CPNE8: variants seen among roughly 807,000 people sequenced by gnomAD.
The protein encoded by CPNE8 is copine-8.
Under a neutral mutation model 81.5 loss-of-function variants are expected in CPNE8, and 45 were observed. That is an observed-to-expected ratio of 0.55 (90% CI 0.44 to 0.71). The LOEUF is 0.71. Ranked by LOEUF, CPNE8 falls within the 30% of genes least tolerant of loss-of-function variation. The pLI is 0.00. For synonymous variants in CPNE8, 252 were observed against 226.3 expected (o/e 1.11, Z -1.02); for missense variants, 594 against 672.1 (o/e 0.88, Z 1.28).
chr12:38,667,699 C>T (rs1214084268), intron 19 of CPNE8, among the ~76,000 whole-genome samples: 1 of 152,160 alleles, frequency 6.6e-6, no homozygotes, highest in African/African-American at 2.4e-5. Context: ...ATGGCAGAAT[C>T]CCTTGAGTGT....
rs1944276800 is a variant in CPNE8 at position 38,889,231 on chromosome 12, G to A, written c.99-14720C>T. On this transcript the variant is annotated intron_variant, in intron 1 of 19. Coordinates refer to ENST00000331366, the MANE Select transcript of CPNE8 (RefSeq NM_153634.3). ...AGGAGACAGATTTATAAACAAATAT[G>A]TGCAGTGAAATGTGGAATATGTATA... Among the ~76,000 whole-genome samples, 3 of 152,224 alleles carry A rather than the reference G, an allele frequency of 2.0e-5. No homozygotes were observed. In the South Asian group the frequency reaches 6.2e-4, roughly 32 times the overall value.
intron 6 of CPNE8, among the ~76,000 whole-genome samples, chr12:38,785,179 CTCTG>C (rs1942151778): frequency 1.4e-5 from 2 of 146,910 alleles, no homozygotes; most frequent in East Asian, 2.0e-4. Flanking sequence ...CAGAGTGAGA[CTCTG>C]TCTCTGAAAA....
chr12:38,750,941 T>G (rs1941342727), intron 10 of CPNE8, among the ~76,000 whole-genome samples: 1 of 152,146 alleles, frequency 6.6e-6, no homozygotes, highest in Admixed American at 6.5e-5. Context: ...AATTCCCACG[T>G]GTTGTGGGAG....
chr12:38,785,818 C>T (rs1030381282), intron 6 of CPNE8, among the ~76,000 whole-genome samples: 1 of 151,934 alleles, frequency 6.6e-6, no homozygotes, highest in African/African-American at 2.4e-5. Flanking sequence ...CTTGTTTATG[C>T]AAACAGTGTT....
At chr12:38,831,979 G>A (rs372249938) in intron 5 of CPNE8, among the ~76,000 whole-genome samples, 4 of 152,162 alleles carry the variant, frequency 2.6e-5, no homozygotes, top group Non-Finnish European at 5.9e-5. Flanking sequence ...CATAAATATT[G>A]AGCAGGATCA....
At position 38,905,124 on chromosome 12, in the gene CPNE8, G is replaced by A. The variant is rs566072428; in HGVS notation, c.98+313C>T. Reference sequence around the variant, plus strand: ...GGTCATCACCCAACCATCCAGCCCGGGTTTGGGGCGGAAAACCGGCTTGTA... The same window carrying A: ...GGTCATCACCCAACCATCCAGCCCGAGTTTGGGGCGGAAAACCGGCTTGTA... On this transcript the variant is annotated intron_variant, in intron 1 of 19. Transcript: ENST00000331366. Among the ~76,000 whole-genome samples, 57 of 152,256 alleles carry A rather than the reference G, an allele frequency of 3.7e-4. No homozygotes were observed. The Middle Eastern group carries it at 0.01, about 27-fold the overall frequency.
At chr12:38,795,394 AAGC>A in intron 6 of CPNE8, among the ~76,000 whole-genome samples, 1 of 152,356 alleles carries the variant, frequency 6.6e-6, no homozygotes, top group East Asian at 1.9e-4. Context: ...AAATAATTGA[AAGC>A]AGGGTCTTGA....
chr12:38,779,561 A>G (rs1303580191), intron 6 of CPNE8, among the ~76,000 whole-genome samples: 2 of 152,192 alleles, frequency 1.3e-5, no homozygotes, highest in Non-Finnish European at 2.9e-5. Flanking sequence ...TGCTGTCTTA[A>G]TTGACATCAC....
chr12:38,831,274 A>G (rs530329329), intron 5 of CPNE8, among the ~76,000 whole-genome samples: 2 of 152,194 alleles, frequency 1.3e-5, no homozygotes, highest in Non-Finnish European at 2.9e-5. Context: ...ATGACCAGAC[A>G]CAAAAGTTGT....
intron 16 of CPNE8, among the ~76,000 whole-genome samples, chr12:38,684,415 T>C (rs942001669): frequency 8.6e-5 from 13 of 152,016 alleles, no homozygotes; most frequent in African/African-American, 3.1e-4. Context: ...ATGTACAGGG[T>C]TAATATATAT....
At chr12:38,693,547 A>T in intron 15 of CPNE8, 110 bp downstream of exon 15, 1 of 891,078 alleles carries the variant, frequency 1.1e-6, no homozygotes, top group Non-Finnish European at 1.7e-6. Context: ...AAATTAAGCT[A>T]CAGTCAGTAA....
intron 5 of CPNE8, among the ~76,000 whole-genome samples, chr12:38,838,920 G>T (rs141586539): frequency 6.6e-6 from 1 of 151,896 alleles, no homozygotes; most frequent in Non-Finnish European, 1.5e-5. Flanking sequence ...TCTCTTTTCC[G>T]AATTATTACA....
At chr12:38,711,797 G>A (rs1940265885) in intron 13 of CPNE8, among the ~76,000 whole-genome samples, 1 of 152,114 alleles carries the variant, frequency 6.6e-6, no homozygotes, top group South Asian at 2.1e-4. Context: ...GTACAAAAAT[G>A]AGAATCAAAT....
At chr12:38,673,370 T>TATA (rs1448383401) in intron 18 of CPNE8, among the ~76,000 whole-genome samples, 15 of 152,262 alleles carry the variant, frequency 9.9e-5, no homozygotes, top group African/African-American at 3.6e-4. Context: ...ATATGTGTGA[T>TATA]ATATACACTT....
chr12:38,745,835 C>T (rs894529225), intron 10 of CPNE8, among the ~76,000 whole-genome samples: 1 of 152,194 alleles, frequency 6.6e-6, no homozygotes, highest in African/African-American at 2.4e-5. Context: ...AGCCACGGCA[C>T]CCCATAGGGT....
chr12:38,769,022 T>G (rs111634645), intron 7 of CPNE8, among the ~76,000 whole-genome samples: 4,857 of 152,258 alleles, frequency 0.032, 229 homozygotes, highest in East Asian at 0.14. Flanking sequence ...TTATTTCCTT[T>G]CAGTAATTCC....
At chr12:38,769,210 G>A (rs769763902) in intron 7 of CPNE8, among the ~76,000 whole-genome samples, 7 of 152,112 alleles carry the variant, frequency 4.6e-5, no homozygotes, top group Non-Finnish European at 8.8e-5. Flanking sequence ...AAAAGTATTG[G>A]TATAGTATTA....
chr12:38,848,933 T>C (rs1943598639), intron 3 of CPNE8, among the ~76,000 whole-genome samples: 1 of 152,178 alleles, frequency 6.6e-6, no homozygotes. Context: ...TAAATCCTCT[T>C]TTAATGAAAA....
chr12:38,676,664 CATATA>C lies in CPNE8; in HGVS notation c.1374+783_1374+787del, dbSNP rs938031604. On this transcript the variant is annotated intron_variant, in intron 17 of 19. Coordinates refer to ENST00000331366, the MANE Select transcript of CPNE8 (RefSeq NM_153634.3). ...ATTTCATGTTATAACATGTTTTTTC[CATATA>C]ATATATCACATATCATCACTTAAAT... Among the ~76,000 whole-genome samples, 9 of 152,112 alleles carry C rather than the reference CATATA, an allele frequency of 5.9e-5. No individual in the cohort carries two copies. In the South Asian group the frequency reaches 6.2e-4, roughly 11 times the overall value.
Sources: gnomAD v4.1 joint callset for allele counts (sites outside exome capture counted in the v4.1 genomes callset) on GRCh38, gnomAD v4.1.1 for gene constraint, MANE v1.5 for transcripts, NCBI Gene and HGNC (gene_info 2026-07-23, HGNC 2026-07-21) for gene names.